The following KIAA1549L variants were observed in gnomAD, a reference collection of about 807,000 sequenced individuals.
KIAA1549L encodes KIAA1549 like.
Under a neutral mutation model 160.7 loss-of-function variants are expected in KIAA1549L, and 88 were observed. That is an observed-to-expected ratio of 0.55 (90% CI 0.46 to 0.65). KIAA1549L has a LOEUF of 0.65. KIAA1549L is among the 30% of genes least tolerant of loss of function. KIAA1549L has a pLI of 0.00. For synonymous variants in KIAA1549L, 950 were observed against 976.7 expected (o/e 0.97, Z 0.51); for missense variants, 2,258 against 2,437.5 (o/e 0.93, Z 1.55).
chr11:33,400,228 G>A (rs1208444816), intron 1 of KIAA1549L, among the ~76,000 whole-genome samples: 2 of 152,144 alleles, frequency 1.3e-5, no homozygotes, highest in Non-Finnish European at 2.9e-5. Flanking sequence ...ACCAATGCTA[G>A]GTAAGGTTTC....
At chr11:33,509,583 A>G (rs999385775) in intron 1 of KIAA1549L, among the ~76,000 whole-genome samples, 1 of 152,222 alleles carries the variant, frequency 6.6e-6, no homozygotes, top group African/African-American at 2.4e-5. Flanking sequence ...TAAAATTTTC[A>G]TAGTGTTTAT....
intron 1 of KIAA1549L, among the ~76,000 whole-genome samples, chr11:33,472,765 T>G (rs59837692): frequency 0.052 from 7,966 of 152,260 alleles, 498 homozygotes; most frequent in African/African-American, 0.15. Flanking sequence ...TGCACCACAG[T>G]CCGTATTATA....
chr11:33,450,704 T>C (rs949552425), intron 1 of KIAA1549L: 1 of 152,304 alleles, frequency 6.6e-6, no homozygotes, highest in African/African-American at 2.4e-5. Flanking sequence ...CTGTGCTGTT[T>C]TCCAGAGAGG....
intron 1 of KIAA1549L, among the ~76,000 whole-genome samples, chr11:33,413,470 A>T (rs1422657788): frequency 1.3e-5 from 2 of 151,186 alleles, no homozygotes; most frequent in Non-Finnish European, 2.9e-5. Flanking sequence ...ACGTCTTAAC[A>T]TTCTTCAGAG....
At chr11:33,555,412 A>G (rs191451751) in intron 6 of KIAA1549L, among the ~76,000 whole-genome samples, 1 of 152,348 alleles carries the variant, frequency 6.6e-6, no homozygotes, top group Admixed American at 6.5e-5. Flanking sequence ...TTCAAAACTT[A>G]CTACAAAGCT....
chr11:33,396,493 T>C (rs1031646476), intron 1 of KIAA1549L, among the ~76,000 whole-genome samples: 5 of 152,248 alleles, frequency 3.3e-5, no homozygotes, highest in Non-Finnish European at 4.4e-5. Flanking sequence ...AGGAGGACCT[T>C]GAATAGAGGT....
intron 1 of KIAA1549L, among the ~76,000 whole-genome samples, chr11:33,504,260 TAAA>T (rs545718717): frequency 6.8e-6 from 1 of 147,420 alleles, no homozygotes; most frequent in Non-Finnish European, 1.5e-5. Context: ...GACTCTGTCT[TAAA>T]AAAAAAAAAT....
At chr11:33,406,895 GC>G (rs1335386144) in intron 1 of KIAA1549L, among the ~76,000 whole-genome samples, 1 of 152,110 alleles carries the variant, frequency 6.6e-6, no homozygotes, top group Non-Finnish European at 1.5e-5. Flanking sequence ...ATTGGCTCCA[GC>G]CCTCCTGTTG....
intron 14 of KIAA1549L, among the ~76,000 whole-genome samples, chr11:33,608,963 ATTATTT>A (rs1019918517): frequency 2.8e-4 from 42 of 152,354 alleles, no homozygotes; most frequent in African/African-American, 9.9e-4. Context: ...TCTTTTAAAG[ATTATTT>A]TTAAGAAAGC....
At chr11:33,498,852 A>C (rs963378631) in intron 1 of KIAA1549L, among the ~76,000 whole-genome samples, 5 of 152,188 alleles carry the variant, frequency 3.3e-5, no homozygotes, top group African/African-American at 1.2e-4. Flanking sequence ...GAAAAGGAAC[A>C]GTGAATTCCC....
At chr11:33,554,174 T>A (rs973770894) in intron 6 of KIAA1549L, among the ~76,000 whole-genome samples, 4 of 152,238 alleles carry the variant, frequency 2.6e-5, no homozygotes, top group African/African-American at 9.6e-5. Context: ...CACCAGGGCC[T>A]GTTTTTGTAA....
chr11:33,667,968 C>G lies in KIAA1549L; in HGVS notation c.6255C>G (p.Asn2085Lys), dbSNP rs1394478366. 1 of 1,613,968 alleles carries G rather than the reference C, an allele frequency of 6.2e-7. No homozygotes were observed. The highest frequency in any genetic ancestry group is 1.1e-5 in the South Asian group (1 of 91,080). ...CTCGTCAGTACAGCCAGCCAGCCAACCTGCACCCCAGCCTGGAGCAGGCCC... is the reference window on the plus strand; with the variant it reads ...CTCGTCAGTACAGCCAGCCAGCCAAGCTGCACCCCAGCCTGGAGCAGGCCC... ...RLPRQYSQPANLHPSLEQAPA... is the reference protein window; with the variant it reads ...RLPRQYSQPAKLHPSLEQAPA... Residue 2085 changes from asparagine (N) to lysine (K), a missense_variant, in exon 21 of 21, where the codon AAC becomes AAG. Coordinates refer to ENST00000658780, the MANE Select transcript of KIAA1549L (RefSeq NM_012194.3).
intron 16 of KIAA1549L, among the ~76,000 whole-genome samples, chr11:33,637,613 C>T (rs1384210229): frequency 6.6e-6 from 1 of 152,194 alleles, no homozygotes; most frequent in East Asian, 1.9e-4. Flanking sequence ...GTTACAAGTT[C>T]TAGATCAAAG....
chr11:33,516,139 C>CTTTTT (rs927894187), intron 1 of KIAA1549L, among the ~76,000 whole-genome samples: 11 of 43,290 alleles, frequency 2.5e-4, no homozygotes, highest in East Asian at 6.3e-4. Flanking sequence ...GGAGGTGATT[C>CTTTTT]TTTTTTTTTT....
chr11:33,574,165 A>G (rs1855364779), intron 9 of KIAA1549L, among the ~76,000 whole-genome samples: 1 of 151,252 alleles, frequency 6.6e-6, no homozygotes, highest in African/African-American at 2.4e-5. Context: ...GTTTTTCCAT[A>G]TTTTCAAATT....
Position 33,543,641 on chromosome 11 carries a change from C to T in KIAA1549L, c.2078C>T (p.Thr693Ile). 1.9e-6 allele frequency: 3 copies of T among 1,613,908 alleles called. No homozygotes were observed. The highest frequency in any genetic ancestry group is 2.5e-6 in the Non-Finnish European group (3 of 1,179,818). Residue 693 changes from threonine (T) to isoleucine (I), a missense_variant, in exon 2 of 21, where the codon ACA becomes ATA. Thr to Ile is a moderately conservative substitution (Grantham distance 89). Transcript: ENST00000658780. The part of the protein sequence containing the change: ...TIGDMKKPAT[T>I]DVFWSSLSAE... The stretch of plus-strand genomic sequence containing the variant: ...GGAGACATGAAAAAGCCAGCAACCA[C>T]AGATGTTTTCTGGAGTTCTCTTTCA...
chr11:33,478,034 A>G (rs1590274687), intron 1 of KIAA1549L, among the ~76,000 whole-genome samples: 1 of 152,256 alleles, frequency 6.6e-6, no homozygotes, highest in African/African-American at 2.4e-5. Context: ...TGGTCCAGCC[A>G]GAGGGGGTGT....
At chr11:33,489,326 CAG>C (rs1169340026) in intron 1 of KIAA1549L, among the ~76,000 whole-genome samples, 3 of 152,160 alleles carry the variant, frequency 2.0e-5, no homozygotes, top group African/African-American at 7.2e-5. Context: ...GAGACAGAGA[CAG>C]AGGGAGAGAG....
In KIAA1549L at chr11:33,388,392, A is replaced by C. The variant is rs1850213800; in HGVS notation, c.238+11503A>C. 1.3e-5 allele frequency among the ~76,000 whole-genome samples: 2 copies of C among 152,188 alleles called. 1 individual carries two copies. The highest frequency in any genetic ancestry group is 4.1e-4 in the South Asian group (2 of 4,824). ...AGTTACCTCCTACTGAGTCCCTTCC[A>C]CAATGCATGGGGATTATGGGAACTA... On this transcript the variant is annotated intron_variant, in intron 1 of 20. Transcript: ENST00000658780.
Sources: gnomAD v4.1 joint callset for allele counts (sites outside exome capture counted in the v4.1 genomes callset) on GRCh38, gnomAD v4.1.1 for gene constraint, MANE v1.5 for transcripts, NCBI Gene and HGNC (gene_info 2026-07-23, HGNC 2026-07-21) for gene names.